Variants in CTNNA3 observed in about 807,000 individuals in gnomAD.
CTNNA3 encodes catenin alpha 3.
CTNNA3 carries 76 observed loss-of-function variants against 95.7 expected under a neutral mutation model. The observed-to-expected ratio is 0.79, with a 90% CI of 0.66 to 0.96. The LOEUF (loss-of-function observed/expected upper bound fraction) is 0.96, where lower values mean the gene tolerates loss of function less well. Among genes scored for constraint, CTNNA3 ranks in the 40% least tolerant of loss-of-function variants. The pLI is 0.00. For synonymous variants in CTNNA3, 431 were observed against 374.4 expected (o/e 1.15, Z -1.74); for missense variants, 1,191 against 1,089.8 (o/e 1.09, Z -1.31).
intron 9 of CTNNA3, among the ~76,000 whole-genome samples, chr10:66,709,418 T>C (rs1410628181): frequency 4.6e-5 from 7 of 151,998 alleles, no homozygotes; most frequent in Non-Finnish European, 8.8e-5. Flanking sequence ...AAATGTCAGA[T>C]GAAATGGAAG....
At chr10:67,743,740 T>C (rs1234737979) in intron 1 of CTNNA3, among the ~76,000 whole-genome samples, 3 of 151,396 alleles carry the variant, frequency 2.0e-5, no homozygotes, top group East Asian at 1.9e-4. Flanking sequence ...CATGATTGTA[T>C]ATCTAGAAAA....
At chr10:66,041,130 A>G (rs1051033287) in intron 15 of CTNNA3, among the ~76,000 whole-genome samples, 2 of 152,208 alleles carry the variant, frequency 1.3e-5, no homozygotes, top group African/African-American at 4.8e-5. Context: ...ATATCACTGT[A>G]GCATGCCTGC....
At chr10:66,671,705 A>G (rs1183707987) in intron 9 of CTNNA3, among the ~76,000 whole-genome samples, 1 of 152,194 alleles carries the variant, frequency 6.6e-6, no homozygotes, top group Non-Finnish European at 1.5e-5. Context: ...AAAGGAAATG[A>G]TTAAGATCAC....
At chr10:67,617,695 G>A (rs1041439686) in intron 2 of CTNNA3, among the ~76,000 whole-genome samples, 12 of 151,732 alleles carry the variant, frequency 7.9e-5, no homozygotes, top group Admixed American at 3.3e-4. Context: ...TTCCACAATG[G>A]TTGAACTAAC....
intron 12 of CTNNA3, among the ~76,000 whole-genome samples, chr10:66,363,485 A>G (rs531955303): frequency 3.3e-5 from 5 of 152,302 alleles, no homozygotes; most frequent in Non-Finnish European, 5.9e-5. Context: ...GGCCCTCACC[A>G]GATGCTGATG....
intron 9 of CTNNA3, among the ~76,000 whole-genome samples, chr10:66,622,882 C>T (rs775252886): frequency 1.3e-5 from 2 of 152,078 alleles, no homozygotes; most frequent in Non-Finnish European, 2.9e-5. Flanking sequence ...TTTTTTATAA[C>T]ATTTCTTTTA....
chr10:67,621,271 C>T (rs890455834), intron 2 of CTNNA3, among the ~76,000 whole-genome samples: 1 of 152,118 alleles, frequency 6.6e-6, no homozygotes, highest in Non-Finnish European at 1.5e-5. Context: ...TCAACAATAA[C>T]AGGGATTTTC....
intron 2 of CTNNA3, among the ~76,000 whole-genome samples, chr10:67,638,365 C>A (rs1258467709): frequency 1.3e-5 from 2 of 152,108 alleles, no homozygotes; most frequent in African/African-American, 4.8e-5. Context: ...AAAGCAAGTC[C>A]TTAGAGACCT....
rs1411707447 is a variant in CTNNA3 at position 65,914,215 on chromosome 10, T to C, written c.*6115A>G. On this transcript the variant is annotated 3_prime_UTR_variant, in exon 18 of 18. Transcript: ENST00000433211. Reference sequence around the variant, plus strand: ...TCTGAGCCTTTTTGAAAGAGAATTTTCTCCTTGAGGGCTTTCCTTTCCTAC... The same window carrying C: ...TCTGAGCCTTTTTGAAAGAGAATTTCCTCCTTGAGGGCTTTCCTTTCCTAC... 6.6e-6 allele frequency: 1 copy of C among 152,108 alleles called. No individual in the cohort carries two copies. The highest frequency in any genetic ancestry group is 1.5e-5 in the Non-Finnish European group (1 of 68,006). The allele number at this position is 152,108 out of a possible 1,614,324, so 9.4% of individuals were successfully genotyped here. A position where few individuals can be genotyped will look rare whatever the true frequency, so the allele number is the denominator to read the frequency against.
Position 67,402,801 on chromosome 10 carries a change from C to A in CTNNA3, c.579+119041G>T, listed in dbSNP as rs374319138. Among the ~76,000 whole-genome samples the A allele has an allele frequency of 2.6e-5, 4 of 152,310 alleles. No homozygotes were observed. The East Asian group carries it at 7.7e-4, about 29-fold the overall frequency. ...GTGGAGTCTCAGCAGGGCAGCCACT[C>A]AGGTATGCACAGAGACCCAGGAGAT... is the stretch of plus-strand genomic sequence containing the variant. On this transcript the variant is annotated intron_variant, in intron 5 of 17. Coordinates refer to ENST00000433211, the MANE Select transcript of CTNNA3 (RefSeq NM_013266.4).
chr10:66,425,532 C>T (rs544246047), intron 11 of CTNNA3, among the ~76,000 whole-genome samples: 2 of 152,078 alleles, frequency 1.3e-5, no homozygotes, highest in South Asian at 2.1e-4. Flanking sequence ...GTCCTGCCTA[C>T]CAACTAAATA....
intron 5 of CTNNA3, among the ~76,000 whole-genome samples, chr10:67,387,294 G>A (rs1844216237): frequency 6.6e-6 from 1 of 152,176 alleles, no homozygotes; most frequent in South Asian, 2.1e-4. Context: ...AGAAAGGGGT[G>A]ACGGACGGCA....
chr10:66,691,292 G>A (rs1410766532), intron 9 of CTNNA3, among the ~76,000 whole-genome samples: 3 of 152,250 alleles, frequency 2.0e-5, no homozygotes, highest in African/African-American at 4.8e-5. Flanking sequence ...AAAAAACGGC[G>A]CACCAGGAGA....
At chr10:66,239,120 A>C (rs1340992604) in intron 13 of CTNNA3, among the ~76,000 whole-genome samples, 1 of 151,906 alleles carries the variant, frequency 6.6e-6, no homozygotes, top group East Asian at 1.9e-4. Flanking sequence ...TATTTATAAG[A>C]GTATTGGAAA....
Position 67,301,990 on chromosome 10 carries a change from AGAAC to A in CTNNA3, c.580-82124_580-82121del, listed in dbSNP as rs1284352533. On this transcript the variant is annotated intron_variant, in intron 5 of 17. Transcript: ENST00000433211. Reference sequence around the variant, plus strand: ...CAAGAAAGAAAAAAGAAAGAAAGAAAGAACGAAAGAACGAAAGAAAGAAAGAAAG... The same window carrying A: ...CAAGAAAGAAAAAAGAAAGAAAGAAAGAAAGAACGAAAGAAAGAAAGAAAG... Among the ~76,000 whole-genome samples the A allele has an allele frequency of 2.6e-4, 19 of 72,710 alleles. 2 individuals are homozygous for A. Among genetic ancestry groups the A allele is most frequent in the East Asian group, 1.4e-3 (3 of 2,212 alleles). 47.7% of individuals were successfully genotyped at this position (72,710 alleles called of 152,430 possible). A position where few individuals can be genotyped will look rare whatever the true frequency, so the allele number is the denominator to read the frequency against.
At chr10:67,053,140 T>C (rs1251767149) in intron 7 of CTNNA3, among the ~76,000 whole-genome samples, 1 of 152,224 alleles carries the variant, frequency 6.6e-6, no homozygotes, top group Non-Finnish European at 1.5e-5. Flanking sequence ...TATCATAGTA[T>C]TCTGTTTTCT....
At chr10:66,774,728 T>C (rs1303827028) in intron 8 of CTNNA3, among the ~76,000 whole-genome samples, 1 of 152,168 alleles carries the variant, frequency 6.6e-6, no homozygotes, top group East Asian at 1.9e-4. Context: ...AAGTTCTGCA[T>C]GAGAAAGAAC....
At chr10:66,159,538 T>A (rs1043210671) in intron 13 of CTNNA3, among the ~76,000 whole-genome samples, 1 of 152,054 alleles carries the variant, frequency 6.6e-6, no homozygotes. Flanking sequence ...CTTTTTGATA[T>A]GTTGTTGGGT....
At chr10:67,393,824 A>ATATAT (rs1405670596) in intron 5 of CTNNA3, among the ~76,000 whole-genome samples, 1 of 152,148 alleles carries the variant, frequency 6.6e-6, no homozygotes, top group Non-Finnish European at 1.5e-5. Flanking sequence ...ATAAAAAGAT[A>ATATAT]TATATACCTG....
Sources: gnomAD v4.1 joint callset for allele counts (sites outside exome capture counted in the v4.1 genomes callset) on GRCh38, gnomAD v4.1.1 for gene constraint, MANE v1.5 for transcripts, NCBI Gene and HGNC (gene_info 2026-07-23, HGNC 2026-07-21) for gene names.